CST3: variants seen among roughly 807,000 people sequenced by gnomAD.
The protein encoded by CST3 is cystatin-C.
In CST3, 14 loss-of-function variants were observed where a neutral mutation model predicts 9.0. The ratio of observed to expected loss-of-function variants is 1.56; its 90% CI spans 1.03 to 2.44. CST3 has a LOEUF of 2.44. CST3 is among the 30% of genes most tolerant of loss of function. CST3 has a pLI of 0.00. For missense variants in CST3, 237 were observed against 204.3 expected, an observed-to-expected ratio of 1.16 and a Z score of -0.98; for synonymous variants, 96 against 90.2, an observed-to-expected ratio of 1.06 and a Z score of -0.37.
downstream of CST3, among the ~76,000 whole-genome samples, chr20:23,630,738 T>C (rs191319709): frequency 3.1e-3 from 456 of 148,140 alleles, 2 homozygotes; most frequent in African/African-American, 0.011. Context: ...CCCAAGCCTC[T>C]AAGTCCATAA....
At chr20:23,629,553 T>C (rs1298275604), downstream of CST3, 3 of 152,224 alleles carry the variant, frequency 2.0e-5, no homozygotes, top group African/African-American at 4.8e-5. Context: ...TCCTGTTCAC[T>C]AGGAAGGCCT....
At chr20:23,634,887 G>GCACACA (rs369623295) in intron 2 of CST3, among the ~76,000 whole-genome samples, 1 of 151,092 alleles carries the variant, frequency 6.6e-6, no homozygotes, top group African/African-American at 2.4e-5. Flanking sequence ...CTACCCACAT[G>GCACACA]CACACACACA....
Position 23,633,694 on chromosome 20 carries a change from A to C in CST3, c.*222T>G, listed in dbSNP as rs922322369. The C allele has an allele frequency of 1.6e-5, 10 of 641,560 alleles. No homozygotes were observed. The African/African-American group carries it at 1.6e-4, about 10-fold the overall frequency. The allele number at this position is 641,560 out of a possible 1,614,324, so 39.7% of individuals were successfully genotyped here. A position where few individuals can be genotyped will look rare whatever the true frequency, so the allele number is the denominator to read the frequency against. On this transcript the variant is annotated 3_prime_UTR_variant, in exon 3 of 3. Coordinates refer to ENST00000376925, the MANE Select transcript of CST3 (RefSeq NM_000099.4). ...ATTTTATTGCAGGAGGTGGGGGTGT[A>C]TGCACCGCACACCGGGGCTATGAGA...
intron 2 of CST3, among the ~76,000 whole-genome samples, chr20:23,634,798 T>C (rs1356125129): frequency 3.9e-5 from 6 of 152,012 alleles, no homozygotes; most frequent in Admixed American, 2.0e-4. Context: ...TGCACACACA[T>C]AGGCATCTAC....
chr20:23,637,059 GAACA>G (rs1979704669), intron 1 of CST3, among the ~76,000 whole-genome samples: 2 of 152,166 alleles, frequency 1.3e-5, no homozygotes, highest in African/African-American at 4.8e-5. Context: ...GAGCTGGGGG[GAACA>G]AACAGGGCAA....
At chr20:23,627,110 A>C (rs186032327) in exon 4 of CST3, 117 of 152,328 alleles carry the variant, frequency 7.7e-4, no homozygotes, top group Admixed American at 3.0e-3. Context: ...AATTGTGCAA[A>C]TGGACGTATA....
chr20:23,634,416 T>C (rs1334566420), intron 2 of CST3, among the ~76,000 whole-genome samples: 1 of 152,138 alleles, frequency 6.6e-6, no homozygotes, highest in East Asian at 1.9e-4. Flanking sequence ...TTCCAAGTCA[T>C]AGCACATGGG....
chr20:23,636,101 A>T (rs1979663908), intron 1 of CST3, among the ~76,000 whole-genome samples: 1 of 152,110 alleles, frequency 6.6e-6, no homozygotes, highest in Admixed American at 6.5e-5. Context: ...TCTGTAAAAT[A>T]GGCTCCAGGG....
rs1423165129 is a variant in CST3, at chr20:23,637,763, G to A, written c.100C>T (p.Arg34Cys). Reference sequence around the variant, plus strand: ...GCGTCCATGGGGCCTCCCACTAGGCGCGGCGGCTTGCCGGGACTGGAGCCG... The same window carrying A: ...GCGTCCATGGGGCCTCCCACTAGGCACGGCGGCTTGCCGGGACTGGAGCCG... ...AAGSSPGKPP[R>C]LVGGPMDASV... Residue 34 changes from arginine to cysteine, a missense_variant, in exon 1 of 3, where the codon CGC becomes TGC. Arg to Cys is a radical substitution (Grantham distance 180). Coordinates refer to ENST00000376925, the MANE Select transcript of CST3 (RefSeq NM_000099.4). 1 of 1,529,464 alleles carries A rather than the reference G, an allele frequency of 6.5e-7. No homozygotes were observed. Among genetic ancestry groups the A allele is most frequent in the Non-Finnish European group, 8.8e-7 (1 of 1,139,400 alleles). The allele number at this position is 1,529,464 out of a possible 1,614,324, so 94.7% of individuals were successfully genotyped here. A position where few individuals can be genotyped will look rare whatever the true frequency, so the allele number is the denominator to read the frequency against.
At chr20:23,628,127 G>C (rs1424287936) in exon 4 of CST3, 1 of 151,832 alleles carries the variant, frequency 6.6e-6, no homozygotes, top group East Asian at 1.9e-4. Flanking sequence ...CCTATTTGAG[G>C]GTTTCCTGAG....
downstream of CST3, chr20:23,629,038 G>A (rs1032584238): frequency 2.0e-5 from 3 of 152,138 alleles, no homozygotes; most frequent in Non-Finnish European, 4.4e-5. Context: ...AAATCCCACC[G>A]TTAAGCCTAT....
rs1381948843 is a variant in CST3, at chr20:23,633,946, G to A, written c.411C>T (p.Thr137=). The A allele has an allele frequency of 1.2e-6, 2 of 1,614,050 alleles. No homozygotes were observed. Among genetic ancestry groups the A allele is most frequent in the African/African-American group, 2.7e-5 (2 of 74,926 alleles). The change falls in exon 3 of 3, where the codon ACC becomes ACT. Residue 137 remains threonine, a synonymous_variant. Transcript: ENST00000376925. The part of the protein sequence containing the change: ...IYAVPWQGTM[T]LSKSTCQDA Reference sequence around the variant, plus strand: ...CGTCCTGACAGGTGGATTTCGACAAGGTCATTGTGCCCTGCCAAGGCACAG... The same window carrying A: ...CGTCCTGACAGGTGGATTTCGACAAAGTCATTGTGCCCTGCCAAGGCACAG...
In CST3 at chr20:23,633,738, A is replaced by C; in HGVS notation, c.*178T>G. 1 of 686,408 alleles carries C rather than the reference A, an allele frequency of 1.5e-6. No individual in the cohort carries two copies. The highest frequency in any genetic ancestry group is 2.7e-6 in the Non-Finnish European group (1 of 374,292). The allele number at this position is 686,408 out of a possible 1,614,324, so 42.5% of individuals were successfully genotyped here. A position where few individuals can be genotyped will look rare whatever the true frequency, so the allele number is the denominator to read the frequency against. On this transcript the variant is annotated 3_prime_UTR_variant, in exon 3 of 3. Transcript: ENST00000376925. ...TATGAGAAGCAAGAAGGAAGGAGGG[A>C]GGGCAGAGCCCCTTGCTGAGCAACA...
chr20:23,631,622 A>C (rs944358186), downstream of CST3, among the ~76,000 whole-genome samples: 2 of 152,118 alleles, frequency 1.3e-5, no homozygotes, highest in African/African-American at 2.4e-5. Context: ...GCCATCGAGG[A>C]ACACCCCGCC....
At chr20:23,637,449 C>T (rs1433032918) in intron 1 of CST3, among the ~76,000 whole-genome samples, 171 bp downstream of exon 1, 1 of 152,196 alleles carries the variant, frequency 6.6e-6, no homozygotes, top group East Asian at 1.9e-4. Flanking sequence ...AGACTCAGGG[C>T]ATTCCCGGAC....
downstream of CST3, chr20:23,631,989 T>A (rs919908491): frequency 2.0e-5 from 3 of 152,238 alleles, no homozygotes; most frequent in African/African-American, 7.2e-5. Context: ...GATGTGCTGG[T>A]CACAGTGACC....
exon 4 of CST3, chr20:23,627,472 AT>A (rs1000962520): frequency 1.3e-5 from 2 of 151,772 alleles, no homozygotes; most frequent in Middle Eastern, 3.4e-3. Flanking sequence ...TTTTTAATAT[AT>A]TTTTTTCTGA....
At chr20:23,633,607 G>A (rs529265330), downstream of CST3, 38 of 539,512 alleles carry the variant, frequency 7.0e-5, no homozygotes, top group East Asian at 3.2e-4. Context: ...AAGGAACTGC[G>A]GAAACCCTGC....
exon 4 of CST3, chr20:23,627,780 G>C (rs1979305646): frequency 6.6e-6 from 1 of 152,062 alleles, no homozygotes; most frequent in Non-Finnish European, 1.5e-5. Flanking sequence ...ATGGTGTTAT[G>C]CACGTTTTTA....
Sources: allele counts gnomAD v4.1 joint callset (sites outside exome capture counted in the v4.1 genomes callset), GRCh38; gene constraint gnomAD v4.1.1; transcripts MANE v1.5; gene names NCBI Gene and HGNC (gene_info 2026-07-23, HGNC 2026-07-21).